The following OSTC variants were observed in gnomAD, a reference collection of about 807,000 sequenced individuals.
OSTC encodes oligosaccharyltransferase complex subunit OSTC.
A neutral mutation model predicts 16.4 loss-of-function variants in OSTC; 16 were observed. The observed-to-expected ratio is 0.98, with a 90% CI of 0.66 to 1.49. The LOEUF is 1.49. Ranked by LOEUF, OSTC falls within the 40% of genes most tolerant of loss-of-function variation. OSTC has a pLI of 0.00. For synonymous variants in OSTC, 67 were observed against 68.5 expected (o/e 0.98, Z 0.11); for missense variants, 139 against 186.3 (o/e 0.75, Z 1.48).
chr4:108,657,676 T>C (rs1301818455), intron 3 of OSTC, 29 bp downstream of exon 3: 6 of 1,545,182 alleles, frequency 3.9e-6, no homozygotes, highest in Admixed American at 1.8e-5. Context: ...CAGCACCTTA[T>C]GTTGCAAATT....
intron 1 of OSTC, 99 bp downstream of exon 1, chr4:108,650,893 T>G: frequency 3.9e-6 from 6 of 1,541,166 alleles, no homozygotes; most frequent in Non-Finnish European, 5.3e-6. Flanking sequence ...GGGGGAAGCA[T>G]AGCTCTGCTT....
chr4:108,654,926 C>T (rs138449382), intron 1 of OSTC, among the ~76,000 whole-genome samples: 113 of 152,310 alleles, frequency 7.4e-4, no homozygotes, highest in African/African-American at 2.4e-3. Context: ...ATATCTGAGA[C>T]AATTTTTGTG....
chr4:108,662,818 G>A (rs373001212), intron 3 of OSTC, among the ~76,000 whole-genome samples: 84 of 152,278 alleles, frequency 5.5e-4, no homozygotes, highest in African/African-American at 1.9e-3. Context: ...TTGTTTCAGC[G>A]ACTAAAAAGC....
At position 108,650,651 on chromosome 4, in the gene OSTC, C is replaced by G. The variant is rs768586298; in HGVS notation, c.-5C>G. On this transcript the variant is annotated 5_prime_UTR_variant, in exon 1 of 4. Transcript: ENST00000361564. ...AGGCCGAGAACGGCCCTTGCTGCCACCAACATGGAGACTTTGTACCGTGTC... is the reference window on the plus strand; with the variant it reads ...AGGCCGAGAACGGCCCTTGCTGCCAGCAACATGGAGACTTTGTACCGTGTC... 1.9e-6 allele frequency: 3 copies of G among 1,613,902 alleles called. No homozygotes were observed. The highest frequency in any genetic ancestry group is 1.7e-5 in the Admixed American group (1 of 60,002).
In OSTC at chr4:108,655,651, C is replaced by T. The variant is rs762451704; in HGVS notation, c.227C>T (p.Ala76Val). The T allele has an allele frequency of 6.3e-7, 1 of 1,599,472 alleles. No homozygotes were observed. Among genetic ancestry groups the T allele is most frequent in the Non-Finnish European group, 8.6e-7 (1 of 1,167,338 alleles). The change falls in exon 2 of 4, where the codon GCC becomes GTC. Residue 76 changes from alanine (A) to valine (V), a missense_variant. Coordinates refer to ENST00000361564, the MANE Select transcript of OSTC (RefSeq NM_021227.4). ...HGHQRPVAFL[A>V]YRVNGQYIME... Reference sequence around the variant, plus strand: ...CATCAGAGGCCAGTAGCTTTCTTGGCCTACAGGTAAAAGATACCTTTTTGA... The same window carrying T: ...CATCAGAGGCCAGTAGCTTTCTTGGTCTACAGGTAAAAGATACCTTTTTGA...
intron 1 of OSTC, among the ~76,000 whole-genome samples, chr4:108,653,080 C>T (rs956226676): frequency 1.3e-5 from 2 of 151,860 alleles, no homozygotes; most frequent in East Asian, 1.9e-4. Flanking sequence ...AGCCTGGTGG[C>T]GCACGCCTGT....
At chr4:108,652,586 G>A (rs1382176481) in intron 1 of OSTC, among the ~76,000 whole-genome samples, 3 of 152,090 alleles carry the variant, frequency 2.0e-5, no homozygotes, top group African/African-American at 4.8e-5. Context: ...ATTTGTTGCT[G>A]ACAAATAGTC....
intron 3 of OSTC, among the ~76,000 whole-genome samples, chr4:108,666,745 C>G (rs2060586): frequency 1.4e-5 from 2 of 140,670 alleles, no homozygotes; most frequent in South Asian, 2.2e-4. Context: ...GGGCTTCACG[C>G]GTGTAATCCC....
rs779377225 is a variant in OSTC, at chr4:108,662,263, ACAT to A, written c.431+4620_431+4622del. Among the ~76,000 whole-genome samples, 10 of 152,372 alleles carry A rather than the reference ACAT, an allele frequency of 6.6e-5. No homozygotes were observed. The East Asian group carries it at 1.2e-3, about 18-fold the overall frequency. On this transcript the variant is annotated intron_variant, in intron 3 of 3. Coordinates refer to ENST00000361564, the MANE Select transcript of OSTC (RefSeq NM_021227.4). ...TATGAATGTAATAATATTTAAACTA[ACAT>A]CATTTAGGGAATGATATGCTGCATA...
intron 3 of OSTC, among the ~76,000 whole-genome samples, chr4:108,661,183 A>C (rs1221892029): frequency 1.3e-5 from 2 of 150,612 alleles, no homozygotes. Flanking sequence ...GTGCCACTGC[A>C]TTCCAGGCTT....
intron 1 of OSTC, among the ~76,000 whole-genome samples, chr4:108,651,745 C>T (rs1726555953): frequency 6.6e-6 from 1 of 152,052 alleles, no homozygotes; most frequent in African/African-American, 2.4e-5. Context: ...ATTAAAGCTA[C>T]GGATTTGGGA....
chr4:108,655,264 G>A (rs553787639), intron 1 of OSTC, among the ~76,000 whole-genome samples: 117 of 152,242 alleles, frequency 7.7e-4, no homozygotes, highest in African/African-American at 2.7e-3. Flanking sequence ...TCAGGAGTTC[G>A]AGACCAGCCT....
chr4:108,653,251 A>C (rs1726603362), intron 1 of OSTC, among the ~76,000 whole-genome samples: 1 of 152,174 alleles, frequency 6.6e-6, no homozygotes. Flanking sequence ...ACAAACAAAC[A>C]ATGGTTATAA....
Position 108,650,617 on chromosome 4 carries a change from T to TGGGGCTTGAGGCCGAGAAC in OSTC, c.-36_-18dup. The TGGGGCTTGAGGCCGAGAAC allele has an allele frequency of 6.2e-7, 1 of 1,608,670 alleles. No homozygotes were observed. The highest frequency in any genetic ancestry group is 1.1e-5 in the South Asian group (1 of 90,846). On this transcript the variant is annotated 5_prime_UTR_variant, in exon 1 of 4. Coordinates refer to ENST00000361564, the MANE Select transcript of OSTC (RefSeq NM_021227.4). The stretch of plus-strand genomic sequence containing the variant: ...GGCGGGCCTGTTTCCGGGAGGCGCG[T>TGGGGCTTGAGGCCGAGAAC]GGGGCTTGAGGCCGAGAACGGCCCT...
chr4:108,664,372 T>C (rs1056557516), intron 3 of OSTC, among the ~76,000 whole-genome samples: 1 of 152,160 alleles, frequency 6.6e-6, no homozygotes, highest in Non-Finnish European at 1.5e-5. Context: ...AATGAGTCTT[T>C]AGTACTCTTG....
At chr4:108,660,022 T>G (rs1726815376) in intron 3 of OSTC, among the ~76,000 whole-genome samples, 1 of 152,206 alleles carries the variant, frequency 6.6e-6, no homozygotes, top group Non-Finnish European at 1.5e-5. Flanking sequence ...AATAGAGCTA[T>G]CTGCTACTGA....
At chr4:108,657,050 G>A (rs1473234511) in intron 2 of OSTC, among the ~76,000 whole-genome samples, 1 of 150,560 alleles carries the variant, frequency 6.6e-6, no homozygotes, top group African/African-American at 2.5e-5. Flanking sequence ...CTGGGCGACA[G>A]CAAGACTCAA....
intron 3 of OSTC, among the ~76,000 whole-genome samples, chr4:108,665,510 C>G (rs1726970568): frequency 9.2e-6 from 1 of 108,870 alleles, no homozygotes; most frequent in Non-Finnish European, 1.8e-5. Flanking sequence ...CACGGGGTTT[C>G]ACCATGTTAG....
At chr4:108,652,088 GCTTTTAAAAATAATAGA>G (rs1384833190) in intron 1 of OSTC, 4 of 152,090 alleles carry the variant, frequency 2.6e-5, no homozygotes, top group African/African-American at 9.7e-5. Context: ...AATGCATGTG[GCTTTTAAAAATAATAGA>G]CTTTTAAAAA....
Sources: allele counts gnomAD v4.1 joint callset (sites outside exome capture counted in the v4.1 genomes callset), GRCh38; gene constraint gnomAD v4.1.1; transcripts MANE v1.5; gene names NCBI Gene and HGNC (gene_info 2026-07-23, HGNC 2026-07-21).